The following ULK1 variants were observed in gnomAD, a reference collection of about 807,000 sequenced individuals.
ULK1 encodes the protein serine/threonine-protein kinase ULK1.
A neutral mutation model predicts 117.5 loss-of-function variants in ULK1; 48 were observed. The observed-to-expected ratio is 0.41, with a 90% confidence interval of 0.32 to 0.52. ULK1 has a LOEUF of 0.52. ULK1 is among the 20% of genes least tolerant of loss of function. ULK1 has a pLI of 0.29. For missense variants in ULK1, 1,387 were observed against 1,473.4 expected, an observed-to-expected ratio of 0.94 and a Z score of 0.96; for synonymous variants, 790 against 637.8, an observed-to-expected ratio of 1.24 and a Z score of -3.60.
In ULK1 at chr12:131,902,077, G is replaced by A. The variant is rs923193277; in HGVS notation, c.247-4815G>A. Among the ~76,000 whole-genome samples the A allele has an allele frequency of 1.4e-4, 21 of 152,260 alleles. No homozygotes were observed. The highest frequency in any genetic ancestry group is 5.1e-4 in the African/African-American group (21 of 41,558). On this transcript the variant is annotated intron_variant, in intron 3 of 27. Transcript: ENST00000321867. The surrounding 1 kb of genome is among the most constrained non-coding windows in gnomAD (Gnocchi z 6.3). The stretch of plus-strand genomic sequence containing the variant: ...AGGCTGCAGAGGTCAGCCTTGGGCT[G>A]CAGCCCCAGGAGGCCCATACACAAT...
Position 131,919,482 on chromosome 12 carries a change from C to A in ULK1, c.2695C>A (p.Gln899Lys), listed in dbSNP as rs1422498031. 1 of 1,610,972 alleles carries A rather than the reference C, an allele frequency of 6.2e-7. No individual in the cohort carries two copies. Among genetic ancestry groups the A allele is most frequent in the South Asian group, 1.1e-5 (1 of 91,068 alleles). ...GCCTGCCGCCCCCAGCTTCGCGGAA[C>A]AGCTGGTGCTGTACCTGAAGGTGGC... Reference protein sequence around the residue: ...LLSREWGFAEQLVLYLKVAEL... With the variant: ...LLSREWGFAEKLVLYLKVAEL... Residue 899 changes from glutamine to lysine, a missense_variant, in exon 25 of 28, where the codon CAG (glutamine) becomes AAG (lysine). Physicochemically the swap from Gln to Lys is moderately conservative, Grantham distance 53 (BLOSUM62 1). Transcript: ENST00000321867.
chr12:131,909,325 C>T (rs1323368838), intron 8 of ULK1, 88 bp downstream of exon 8: 7 of 1,399,184 alleles, frequency 5.0e-6, no homozygotes, highest in East Asian at 2.6e-5. Context: ...GAGCCCTGCC[C>T]GCGCCCCACG....
At position 131,921,997 on chromosome 12, in the gene ULK1, G is replaced by C. The variant is rs1890170624; in HGVS notation, c.*636G>C. The C allele has an allele frequency of 2.2e-6, 1 of 455,188 alleles. No homozygotes were observed. Among genetic ancestry groups the C allele is most frequent in the South Asian group, 1.5e-5 (1 of 64,558 alleles). The allele number at this position is 455,188 out of a possible 1,614,324, so 28.2% of individuals were successfully genotyped here. A position where few individuals can be genotyped will look rare whatever the true frequency, so the allele number is the denominator to read the frequency against. ...CGTTGCTGCCCAGGTCTGGACCTCA[G>C]CGGGAGAACTGGCTCCGGGGGGAGT... On this transcript the variant is annotated 3_prime_UTR_variant, in exon 28 of 28. Coordinates refer to ENST00000321867, the MANE Select transcript of ULK1 (RefSeq NM_003565.4).
Position 131,909,202 on chromosome 12 carries a change from G to A in ULK1, c.631G>A (p.Val211Ile), listed in dbSNP as rs748566843. The change falls in exon 8 of 28, where the codon GTC becomes ATC. Residue 211 changes from valine (V) to isoleucine (I), a missense_variant. By Grantham distance (29) the Val-to-Ile change is conservative. Coordinates refer to ENST00000321867, the MANE Select transcript of ULK1 (RefSeq NM_003565.4). ...GGACCTGTGGAGCATCGGCACCATC[G>A]TCTACCAGTGCCTGACGGGGAAGGC... is the stretch of plus-strand genomic sequence containing the variant. ...KADLWSIGTI[V>I]YQCLTGKAPF... The A allele has an allele frequency of 4.3e-6, 7 of 1,609,258 alleles. No individual in the cohort carries two copies. Among genetic ancestry groups the A allele is most frequent in the Non-Finnish European group, 5.9e-6 (7 of 1,178,290 alleles).
rs559739998 is a variant in ULK1 at position 131,916,268 on chromosome 12, C to G, written c.1878+109C>G. 5.5e-4 allele frequency: 834 copies of G among 1,519,070 alleles called. 5 individuals carry two copies. In the African/African-American group the frequency reaches 9.9e-3, roughly 18 times the overall value. The allele number at this position is 1,519,070 out of a possible 1,614,324, so 94.1% of individuals were successfully genotyped here. A position where few individuals can be genotyped will look rare whatever the true frequency, so the allele number is the denominator to read the frequency against. On this transcript the variant is annotated intron_variant, in intron 19 of 27. Coordinates refer to ENST00000321867, the MANE Select transcript of ULK1 (RefSeq NM_003565.4). ...AAGGCAGCTCTGTACCTTTTGACCC[C>G]CGCCTGGGCTCATGCTCAGGCTGCT... is the stretch of plus-strand genomic sequence containing the variant.
Position 131,915,210 on chromosome 12 carries a change from C to A in ULK1, c.1501C>A (p.Pro501Thr). 2 of 1,599,966 alleles carry A rather than the reference C, an allele frequency of 1.3e-6. No individual in the cohort carries two copies. The highest frequency in any genetic ancestry group is 1.7e-6 in the Non-Finnish European group (2 of 1,173,868). The change falls in exon 17 of 28, where the codon CCC becomes ACC. Residue 501 changes from proline (P) to threonine (T), a missense_variant. Transcript: ENST00000321867. ...GAAGATGTCTCTGGGTGGAGGCCGG[C>A]CCTACACGCCATCTCCTCAAGGTGC... is the stretch of plus-strand genomic sequence containing the variant. ...ARKMSLGGGR[P>T]YTPSPQVGTI...
rs1005378517 is a variant in ULK1, at chr12:131,919,465, C to T, written c.2685-7C>T. ...CCGGCCTCCTCTGATCTGCCTGCCGCCCCCAGCTTCGCGGAACAGCTGGTG... is the reference window on the plus strand; with the variant it reads ...CCGGCCTCCTCTGATCTGCCTGCCGTCCCCAGCTTCGCGGAACAGCTGGTG... On this transcript the variant is annotated splice_region_variant and splice_polypyrimidine_tract_variant and intron_variant, in intron 24 of 27. Transcript: ENST00000321867. 3.7e-6 allele frequency: 6 copies of T among 1,608,572 alleles called. No homozygotes were observed. The highest frequency in any genetic ancestry group is 1.1e-5 in the South Asian group (1 of 90,998).
intron 11 of ULK1, 93 bp downstream of exon 11, chr12:131,910,397 G>A: frequency 6.4e-7 from 1 of 1,562,364 alleles, no homozygotes; most frequent in South Asian, 1.1e-5. Context: ...GGGGCAGAGG[G>A]AGCAGGTCTT....
At chr12:131,910,922 T>C in intron 12 of ULK1, 122 bp downstream of exon 12, 1 of 1,483,614 alleles carries the variant, frequency 6.7e-7, no homozygotes, top group Non-Finnish European at 9.0e-7. Context: ...ACGAAAGACA[T>C]GGATGAGTTC....
chr12:131,897,346 G>A (rs886857854), intron 3 of ULK1: 3 of 152,192 alleles, frequency 2.0e-5, no homozygotes, highest in Non-Finnish European at 2.9e-5. Flanking sequence ...CAAACATTAC[G>A]GGAGGGAGTG....
chr12:131,910,898 TGTC>T, intron 12 of ULK1, 98 bp downstream of exon 12: 1 of 1,545,542 alleles, frequency 6.5e-7, no homozygotes, highest in East Asian at 2.3e-5. Flanking sequence ...TGACTTCTGT[TGTC>T]TGTGTGAGTC....
chr12:131,915,236 G>A lies in ULK1; in HGVS notation c.1522+5G>A, dbSNP rs370444980. On this transcript the variant is annotated splice_donor_5th_base_variant and intron_variant, in intron 17 of 27. Coordinates refer to ENST00000321867, the MANE Select transcript of ULK1 (RefSeq NM_003565.4). ...CCTACACGCCATCTCCTCAAGGTGC[G>A]CCTGCAGGCTGGGGCCTGGGAAGGG... 25 of 1,602,900 alleles carry A rather than the reference G, an allele frequency of 1.6e-5. No individual in the cohort carries two copies. The highest frequency in any genetic ancestry group is 1.4e-4 in the Admixed American group (8 of 58,544).
In ULK1 at chr12:131,922,012, C is replaced by G. The variant is rs768812850; in HGVS notation, c.*651C>G. On this transcript the variant is annotated 3_prime_UTR_variant, in exon 28 of 28. Coordinates refer to ENST00000321867, the MANE Select transcript of ULK1 (RefSeq NM_003565.4). ...CTGGACCTCAGCGGGAGAACTGGCTCCGGGGGGAGTGGGGCCCTGCGCTAG... is the reference window on the plus strand; with the variant it reads ...CTGGACCTCAGCGGGAGAACTGGCTGCGGGGGGAGTGGGGCCCTGCGCTAG... 2 of 454,712 alleles carry G rather than the reference C, an allele frequency of 4.4e-6. No individual in the cohort carries two copies. The highest frequency in any genetic ancestry group is 3.3e-4 in the Middle Eastern group (1 of 3,066). The allele number at this position is 454,712 out of a possible 1,614,324, so 28.2% of individuals were successfully genotyped here. A position where few individuals can be genotyped will look rare whatever the true frequency, so the allele number is the denominator to read the frequency against.
Position 131,921,177 on chromosome 12 carries a change from C to T in ULK1, c.3039C>T (p.Leu1013=). The T allele has an allele frequency of 6.2e-7, 1 of 1,605,964 alleles. No homozygotes were observed. Among genetic ancestry groups the T allele is most frequent in the Non-Finnish European group, 8.5e-7 (1 of 1,179,880 alleles). The change falls in exon 27 of 28, where the codon CTC becomes CTT. Residue 1013 remains leucine (L), a synonymous_variant. Transcript: ENST00000321867. The part of the protein sequence containing the change: ...CVPRYHKALL[L]LEGLQHMLSD... Reference sequence around the variant, plus strand: ...CACGCTACCACAAGGCCCTGCTGCTCCTGGAGGGGCTGCAGCACATGCTCT... The same window carrying T: ...CACGCTACCACAAGGCCCTGCTGCTTCTGGAGGGGCTGCAGCACATGCTCT...
intron 3 of ULK1, among the ~76,000 whole-genome samples, chr12:131,905,931 T>A (rs1889255478): frequency 6.6e-6 from 1 of 152,162 alleles, no homozygotes; most frequent in Admixed American, 6.5e-5. Context: ...GAGCAGCTGC[T>A]GGTCAGGTCT....
intron 3 of ULK1, chr12:131,906,598 A>G: frequency 2.1e-6 from 1 of 487,166 alleles, no homozygotes; most frequent in Non-Finnish European, 3.7e-6. Flanking sequence ...CTGCCCACAC[A>G]CCTGGCCTTC....
At chr12:131,908,610 C>T in intron 5 of ULK1, 34 bp from the exon 6 acceptor site, 3 of 1,440,632 alleles carry the variant, frequency 2.1e-6, no homozygotes, top group Non-Finnish European at 9.1e-7. Context: ...GGAGGAAACA[C>T]GGCCCCCAGG....
At chr12:131,907,005 G>A (rs1301367859) in intron 4 of ULK1, 81 bp downstream of exon 4, 1 of 1,592,146 alleles carries the variant, frequency 6.3e-7, no homozygotes, top group Non-Finnish European at 8.6e-7. Context: ...CATGGCTGGG[G>A]GGAGGGTGAT....
At chr12:131,910,874 G>A (rs935634042) in intron 12 of ULK1, 74 bp downstream of exon 12, 9 of 1,587,122 alleles carry the variant, frequency 5.7e-6, no homozygotes, top group South Asian at 3.4e-5. Flanking sequence ...CTGGGCCCCC[G>A]CGGGGACGTG....
Sources: allele counts gnomAD v4.1 joint callset (sites outside exome capture counted in the v4.1 genomes callset), GRCh38; gene constraint gnomAD v4.1.1; non-coding constraint Gnocchi (gnomAD v3.1); transcripts MANE v1.5; gene names NCBI Gene and HGNC (gene_info 2026-07-23, HGNC 2026-07-21).